MAJIN: variants seen among roughly 807,000 people sequenced by gnomAD.
MAJIN encodes membrane anchored junction protein, also known as membrane-anchored junction protein.
A neutral mutation model predicts 30.2 loss-of-function variants in MAJIN; 27 were observed. That is an observed-to-expected ratio of 0.89 (90% CI 0.66 to 1.23). The LOEUF (loss-of-function observed/expected upper bound fraction) is 1.23. Among genes scored for constraint, MAJIN ranks in the 50% most tolerant of loss-of-function variants. The pLI, the probability that MAJIN is intolerant of heterozygous loss-of-function variation, is 0.00. For synonymous variants in MAJIN, 78 were observed against 91.6 expected (o/e 0.85, Z 0.85); for missense variants, 253 against 260.3 (o/e 0.97, Z 0.19).
chr11:64,967,665 G>A (rs1945833485), intron 1 of MAJIN, among the ~76,000 whole-genome samples: 1 of 152,132 alleles, frequency 6.6e-6, no homozygotes, highest in South Asian at 2.1e-4. Context: ...CCCGAACACA[G>A]TGGGCAAGAA....
rs1565127103 is a variant in MAJIN, at chr11:64,948,628, T to TC, written c.350-810_350-809insG. On this transcript the variant is annotated intron_variant, in intron 6 of 10. Transcript: ENST00000301896. ...ATATATATATATATATATATATATA[T>TC]ATATATATATATTTTTTTTTTTTTT... Among the ~76,000 whole-genome samples the TC allele has an allele frequency of 3.6e-4, 18 of 50,122 alleles. 1 individual carries two copies. The highest frequency in any genetic ancestry group is 5.2e-4 in the Non-Finnish European group (16 of 30,976). The allele number at this position is 50,122 out of a possible 152,430, so 32.9% of individuals were successfully genotyped here.
chr11:64,939,610 G>T, intron 10 of MAJIN, 52 bp downstream of exon 10: 1 of 1,499,326 alleles, frequency 6.7e-7, no homozygotes, highest in South Asian at 1.2e-5. Flanking sequence ...AAGACTCAAT[G>T]AGCCGCTCTG....
chr11:64,939,866 C>CA, intron 9 of MAJIN, 99 bp from the exon 10 acceptor site: 1 of 1,027,734 alleles, frequency 9.7e-7, no homozygotes, highest in Non-Finnish European at 1.4e-6. Context: ...GAGGCAGTCT[C>CA]ACGCCAAGAG....
intron 1 of MAJIN, among the ~76,000 whole-genome samples, chr11:64,968,606 G>A (rs1295582547): frequency 5.3e-5 from 8 of 151,702 alleles, no homozygotes; most frequent in Admixed American, 1.3e-4. Flanking sequence ...AGGCTGAGGC[G>A]GGCGGATCAT....
intron 3 of MAJIN, among the ~76,000 whole-genome samples, chr11:64,957,416 T>C (rs1292283104): frequency 6.6e-6 from 1 of 151,832 alleles, no homozygotes; most frequent in Non-Finnish European, 1.5e-5. Flanking sequence ...TTGTTTTGTT[T>C]TGCTTTTTTG....
rs531405028 is a variant in MAJIN at position 64,968,000 on chromosome 11, A to G, written c.-65+3877T>C. Among the ~76,000 whole-genome samples the G allele has an allele frequency of 7.9e-5, 12 of 152,266 alleles. No individual in the cohort carries two copies. The South Asian group carries it at 2.5e-3, about 32-fold the overall frequency. Reference sequence around the variant, plus strand: ...AAATCACAACTGACTTGAGGCCTTCATGGAAAGGAGCAACGATCACGGGGA... The same window carrying G: ...AAATCACAACTGACTTGAGGCCTTCGTGGAAAGGAGCAACGATCACGGGGA... On this transcript the variant is annotated intron_variant, in intron 1 of 10. Transcript: ENST00000301896.
At chr11:64,970,361 CTT>C (rs1196525730) in intron 1 of MAJIN, among the ~76,000 whole-genome samples, 2 of 66,054 alleles carry the variant, frequency 3.0e-5, no homozygotes, top group Non-Finnish European at 5.8e-5. Context: ...AAGACTCCGT[CTT>C]TTTTTTTTTT....
chr11:64,947,408 C>T lies in MAJIN; in HGVS notation c.439G>A (p.Glu147Lys), dbSNP rs140240334. 37 of 1,613,770 alleles carry T rather than the reference C, an allele frequency of 2.3e-5. No individual in the cohort carries two copies. The highest frequency in any genetic ancestry group is 2.9e-5 in the Non-Finnish European group (34 of 1,180,026). The change falls in exon 8 of 11, where the codon GAG becomes AAG. Residue 147 changes from glutamate to lysine, a missense_variant. By Grantham distance (56) the Glu-to-Lys change is moderately conservative (BLOSUM62 1). Transcript: ENST00000301896. Reference sequence around the variant, plus strand: ...CCTGGCCTGCTGGGGGAGCTGGGCTCGTCCATGTGTTTTCGTTTCCTCATC... The same window carrying T: ...CCTGGCCTGCTGGGGGAGCTGGGCTTGTCCATGTGTTTTCGTTTCCTCATC... ...AVMRKRKHMD[E>K]PSSPSRPGLD...
intron 1 of MAJIN, among the ~76,000 whole-genome samples, chr11:64,971,427 C>CAA (rs35873962): frequency 5.8e-5 from 4 of 68,790 alleles, no homozygotes; most frequent in Non-Finnish European, 1.1e-4. Flanking sequence ...GACCCCGCCT[C>CAA]AAAAAAAAAA....
intron 8 of MAJIN, among the ~76,000 whole-genome samples, chr11:64,942,321 T>C (rs183113857): frequency 6.6e-6 from 1 of 152,116 alleles, no homozygotes; most frequent in African/African-American, 2.4e-5. Context: ...GTGAGTGGTG[T>C]CTGGTTACAT....
intron 1 of MAJIN, among the ~76,000 whole-genome samples, chr11:64,966,145 G>GA (rs58387921): frequency 0.021 from 1,199 of 57,062 alleles, 57 homozygotes; most frequent in South Asian, 0.058. Flanking sequence ...GATTAAAAAT[G>GA]AAAAAAAAAA....
intron 1 of MAJIN, among the ~76,000 whole-genome samples, chr11:64,964,664 G>A (rs1945779403): frequency 1.3e-5 from 2 of 150,796 alleles, no homozygotes; most frequent in South Asian, 4.2e-4. Context: ...TCGGCTCACC[G>A]TAACCTCTGC....
chr11:64,949,899 A>G (rs192107829), intron 5 of MAJIN, 31 bp from the exon 6 acceptor site: 158 of 1,597,430 alleles, frequency 9.9e-5, no homozygotes, highest in Non-Finnish European at 9.1e-5. Context: ...GTAAGGAAAG[A>G]TGCCAGTATG....
intron 3 of MAJIN, among the ~76,000 whole-genome samples, chr11:64,957,498 G>A (rs1200047746): frequency 6.6e-6 from 1 of 152,142 alleles, no homozygotes; most frequent in African/African-American, 2.4e-5. Context: ...CTGCCTCCCA[G>A]GTTGAACTGA....
chr11:64,945,712 T>C (rs1945441043), intron 8 of MAJIN, among the ~76,000 whole-genome samples: 1 of 151,986 alleles, frequency 6.6e-6, no homozygotes, highest in Non-Finnish European at 1.5e-5. Context: ...ATTTTTTGTA[T>C]TTTTAGTAGA....
Position 64,948,602 on chromosome 11 carries a change from C to CATTCATATATATATATATATATATAT in MAJIN, c.350-784_350-783insATATATATATATATATATATATGAAT, listed in dbSNP as rs1179607088. Among the ~76,000 whole-genome samples the CATTCATATATATATATATATATATAT allele has an allele frequency of 3.1e-4, 6 of 19,420 alleles. 1 individual carries two copies. The highest frequency in any genetic ancestry group is 4.1e-4 in the Non-Finnish European group (5 of 12,226). The allele number at this position is 19,420 out of a possible 152,430, so 12.7% of individuals were successfully genotyped here. Reference sequence around the variant, plus strand: ...GCACCACCACCATGTCGGGCTACATCATATATATATATATATATATATATA... The same window carrying CATTCATATATATATATATATATATAT: ...GCACCACCACCATGTCGGGCTACATCATTCATATATATATATATATATATATATATATATATATATATATATATATA... On this transcript the variant is annotated intron_variant, in intron 6 of 10. Coordinates refer to ENST00000301896, the MANE Select transcript of MAJIN (RefSeq NM_001037225.3).
chr11:64,970,164 G>A (rs1945875366), intron 1 of MAJIN, among the ~76,000 whole-genome samples: 1 of 151,378 alleles, frequency 6.6e-6, no homozygotes, highest in Non-Finnish European at 1.5e-5. Context: ...AGGAGTTCGA[G>A]ACCAGCTTGG....
chr11:64,942,406 G>GTA (rs367758548), intron 8 of MAJIN, among the ~76,000 whole-genome samples: 45 of 152,136 alleles, frequency 3.0e-4, no homozygotes, highest in African/African-American at 1.1e-3. Context: ...TATACCCAAT[G>GTA]TATAGTCTTT....
chr11:64,968,320 G>A (rs1945843543), intron 1 of MAJIN, among the ~76,000 whole-genome samples: 1 of 151,936 alleles, frequency 6.6e-6, no homozygotes, highest in African/African-American at 2.4e-5. Flanking sequence ...GCCCAGGCTG[G>A]AGTATAGCGA....
Sources: allele counts gnomAD v4.1 joint callset (sites outside exome capture counted in the v4.1 genomes callset), GRCh38; gene constraint gnomAD v4.1.1; transcripts MANE v1.5; gene names NCBI Gene and HGNC (gene_info 2026-07-23, HGNC 2026-07-21).